The following CACNA1C variants were observed in gnomAD, a reference collection of about 807,000 sequenced individuals.
CACNA1C encodes voltage-dependent L-type calcium channel subunit alpha-1C.
CACNA1C carries 30 observed loss-of-function variants against 229.0 expected under a neutral mutation model. The observed-to-expected ratio is 0.13, with a 90% CI of 0.10 to 0.18. The LOEUF (loss-of-function observed/expected upper bound fraction) is 0.18. Among genes scored for constraint, CACNA1C ranks in the 10% least tolerant of loss-of-function variants. CACNA1C has a pLI of 1.00. For missense variants in CACNA1C, 1,658 were observed against 2,845.0 expected, an observed-to-expected ratio of 0.58 and a Z score of 9.49; for synonymous variants, 1,114 against 1,132.5, an observed-to-expected ratio of 0.98 and a Z score of 0.33.
rs2270372 is a variant in CACNA1C at position 2,686,468 on chromosome 12, G to A, written c.5784+199G>A. ...GGGCCACGGCAAGGTCTGCAGCATC[G>A]CAGGTGGGGGCCTAGGAAGTGCTGG... On this transcript the variant is annotated intron_variant, in intron 45 of 46. Transcript: ENST00000399655. 0.039 allele frequency among the ~76,000 whole-genome samples: 5,998 copies of A among 152,278 alleles called. 255 individuals are homozygous for A. The highest frequency in any genetic ancestry group is 0.15 in the East Asian group (755 of 5,162).
At position 2,647,863 on chromosome 12, in the gene CACNA1C, C is replaced by T. The variant is rs781620583; in HGVS notation, c.3913-612C>T. Among the ~76,000 whole-genome samples, 12 of 152,128 alleles carry T rather than the reference C, an allele frequency of 7.9e-5. No individual in the cohort carries two copies. The highest frequency in any genetic ancestry group is 9.7e-5 in the African/African-American group (4 of 41,406). Reference sequence around the variant, plus strand: ...ACAGGCTTGGCACAGTGGCTTACACCGGTAATCCCAGTACTTTGGGAGGCC... The same window carrying T: ...ACAGGCTTGGCACAGTGGCTTACACTGGTAATCCCAGTACTTTGGGAGGCC... On this transcript the variant is annotated intron_variant, in intron 30 of 46. Transcript: ENST00000399655. The surrounding 1 kb of genome is among the most constrained non-coding windows in gnomAD (Gnocchi z 4.2).
intron 3 of CACNA1C, among the ~76,000 whole-genome samples, chr12:2,214,246 A>C (rs575822274): frequency 6.6e-6 from 1 of 152,254 alleles, no homozygotes; most frequent in South Asian, 2.1e-4. Flanking sequence ...GCTGCTGAGG[A>C]GGGGTTCATG....
chr12:2,100,656 C>A (rs2076044503), intron 1 of CACNA1C, among the ~76,000 whole-genome samples: 1 of 149,398 alleles, frequency 6.7e-6, no homozygotes, highest in African/African-American at 2.5e-5. Flanking sequence ...ACTTGGGAGG[C>A]TAAGGTGGGA....
intron 1 of CACNA1C, among the ~76,000 whole-genome samples, chr12:2,066,232 G>A (rs1213697182): frequency 6.6e-6 from 1 of 152,084 alleles, no homozygotes; most frequent in East Asian, 1.9e-4. Flanking sequence ...GCAAGTAGAA[G>A]ATGCCCAGCA....
intron 31 of CACNA1C, among the ~76,000 whole-genome samples, chr12:2,650,674 C>T (rs1378331776): frequency 6.6e-6 from 1 of 152,196 alleles, no homozygotes; most frequent in Non-Finnish European, 1.5e-5. Context: ...CGTCCTGCCC[C>T]CTGAGCCCTG....
At chr12:2,082,343 G>A (rs1303979099) in intron 1 of CACNA1C, among the ~76,000 whole-genome samples, 1 of 152,026 alleles carries the variant, frequency 6.6e-6, no homozygotes, top group African/African-American at 2.4e-5. Context: ...CACATGCTTT[G>A]GTCTGTGTGA....
intron 3 of CACNA1C, among the ~76,000 whole-genome samples, chr12:2,211,598 T>C (rs1415001296): frequency 6.6e-6 from 1 of 152,198 alleles, no homozygotes; most frequent in Non-Finnish European, 1.5e-5. Context: ...GTAAAGTCAT[T>C]CATGCAGGTT....
At chr12:2,356,993 C>T (rs890219968) in intron 3 of CACNA1C, among the ~76,000 whole-genome samples, 3 of 152,242 alleles carry the variant, frequency 2.0e-5, no homozygotes, top group African/African-American at 4.8e-5. Flanking sequence ...CTCAAAAATG[C>T]AGCCTCTGCC....
chr12:2,134,601 A>G (rs2093005861), intron 3 of CACNA1C, among the ~76,000 whole-genome samples: 1 of 138,208 alleles, frequency 7.2e-6, no homozygotes, highest in Non-Finnish European at 1.6e-5. Flanking sequence ...TCTGGGTTGG[A>G]AATTCTTTTC....
rs529502119 is a variant in CACNA1C at position 2,108,002 on chromosome 12, A to G, written c.50-7222A>G. Among the ~76,000 whole-genome samples, 14 of 152,334 alleles carry G rather than the reference A, an allele frequency of 9.2e-5. No homozygotes were observed. In the South Asian group the frequency reaches 2.5e-3, roughly 27 times the overall value. On this transcript the variant is annotated intron_variant, in intron 1 of 46. Coordinates refer to ENST00000399655, the MANE Select transcript of CACNA1C (RefSeq NM_000719.7). The surrounding 1 kb of genome is among the most constrained non-coding windows in gnomAD (Gnocchi z 5.3). ...GAAAATTAAGTAAAATGCAAAATGCATTTTGTCAGACGTGCTAGCTACATT... is the reference window on the plus strand; with the variant it reads ...GAAAATTAAGTAAAATGCAAAATGCGTTTTGTCAGACGTGCTAGCTACATT...
chr12:2,304,889 A>G (rs1195803148), intron 3 of CACNA1C, among the ~76,000 whole-genome samples: 3 of 152,170 alleles, frequency 2.0e-5, no homozygotes, highest in Non-Finnish European at 4.4e-5. Flanking sequence ...TTGGGTGAGA[A>G]AAGCCGCCAT....
chr12:2,437,858 G>C (rs2099155179), intron 3 of CACNA1C, among the ~76,000 whole-genome samples: 1 of 149,298 alleles, frequency 6.7e-6, no homozygotes, highest in East Asian at 2.1e-4. Context: ...GATGATGGTG[G>C]TGATGGTGGT....
At chr12:2,160,024 C>A (rs1026074940) in intron 3 of CACNA1C, among the ~76,000 whole-genome samples, 1 of 152,162 alleles carries the variant, frequency 6.6e-6, no homozygotes, top group Non-Finnish European at 1.5e-5. Context: ...CTCCTTATTT[C>A]CCCTTGTTTT....
intron 3 of CACNA1C, among the ~76,000 whole-genome samples, chr12:2,247,056 T>A (rs1363206758): frequency 6.6e-6 from 1 of 152,244 alleles, no homozygotes; most frequent in Non-Finnish European, 1.5e-5. Flanking sequence ...AAAGGCTAAA[T>A]CAGCTTCCTT....
At position 2,486,213 on chromosome 12, in the gene CACNA1C, C is replaced by T. The variant is rs1192447992; in HGVS notation, c.867C>T (p.Leu289=). 5.0e-6 allele frequency: 8 copies of T among 1,613,620 alleles called. No individual in the cohort carries two copies. The highest frequency in any genetic ancestry group is 6.8e-6 in the Non-Finnish European group (8 of 1,179,806). The change falls in exon 6 of 47, where the codon CTC becomes CTT. Residue 289 remains leucine (L), a synonymous_variant. Transcript: ENST00000399655. This position sits in a 1 kb window ranked among gnomAD's most constrained non-coding sequence, Gnocchi z 4.9. ...TCTACGCCATCATCGGCTTGGAGCT[C>T]TTCATGGGGAAGATGCACAAGACCT... ...IIIYAIIGLE[L]FMGKMHKTCY... is the part of the protein sequence containing the mutation.
At chr12:2,074,379 A>G (rs199725352) in intron 1 of CACNA1C, among the ~76,000 whole-genome samples, 61 of 152,250 alleles carry the variant, frequency 4.0e-4, no homozygotes, top group Non-Finnish European at 7.1e-4. Context: ...ATGTTGTCTC[A>G]TTGCATTGTT....
rs771902604 is a variant in CACNA1C, at chr12:2,632,717, C to T, written c.3829-1580C>T. Reference sequence around the variant, plus strand: ...CCTCCCCCAACCTACCAGCCTATCCCTAGCAAACCCATCCTCAGGAAACGC... The same window carrying T: ...CCTCCCCCAACCTACCAGCCTATCCTTAGCAAACCCATCCTCAGGAAACGC... On this transcript the variant is annotated intron_variant, in intron 29 of 46. Transcript: ENST00000399655. The surrounding 1 kb of genome is among the most constrained non-coding windows in gnomAD (Gnocchi z 4.1). Among the ~76,000 whole-genome samples the T allele has an allele frequency of 1.2e-4, 18 of 152,170 alleles. No homozygotes were observed. The highest frequency in any genetic ancestry group is 2.1e-4 in the Non-Finnish European group (14 of 68,004).
intron 9 of CACNA1C, among the ~76,000 whole-genome samples, chr12:2,546,960 AC>A (rs1429320846): frequency 4.6e-5 from 7 of 152,204 alleles, no homozygotes; most frequent in African/African-American, 1.4e-4. Context: ...TGAATCCACT[AC>A]AGGTGAAAGT....
intron 42 of CACNA1C, among the ~76,000 whole-genome samples, chr12:2,682,228 A>G (rs1041169331): frequency 3.3e-5 from 5 of 152,148 alleles, no homozygotes; most frequent in Non-Finnish European, 5.9e-5. Flanking sequence ...TGTCATTCCA[A>G]TTTCATAGGG....
Sources: allele counts gnomAD v4.1 joint callset (sites outside exome capture counted in the v4.1 genomes callset), GRCh38; gene constraint gnomAD v4.1.1; non-coding constraint Gnocchi (gnomAD v3.1); transcripts MANE v1.5; gene names NCBI Gene and HGNC (gene_info 2026-07-23, HGNC 2026-07-21).